Variants in POU2F1 observed in about 807,000 individuals in gnomAD.
POU2F1 encodes the protein POU class 2 homeobox 1.
In POU2F1, 16 loss-of-function variants were observed where a neutral mutation model predicts 84.9. The ratio of observed to expected loss-of-function variants is 0.19; its 90% CI spans 0.13 to 0.29. The LOEUF (loss-of-function observed/expected upper bound fraction) is 0.29. Among genes scored for constraint, POU2F1 ranks in the 10% least tolerant of loss-of-function variants. POU2F1 has a pLI of 1.00. For synonymous variants in POU2F1, 368 were observed against 368.3 expected (o/e 1.00, Z 0.01); for missense variants, 738 against 942.6 (o/e 0.78, Z 2.84).
At chr1:167,336,030 TAA>T (rs557804154) in intron 2 of POU2F1, among the ~76,000 whole-genome samples, 54 of 152,268 alleles carry the variant, frequency 3.5e-4, no homozygotes, top group African/African-American at 1.3e-3. Context: ...TGAAAAAAAT[TAA>T]AAGATATGTA....
chr1:167,323,719 G>C, intron 1 of POU2F1, among the ~76,000 whole-genome samples: 1 of 152,084 alleles, frequency 6.6e-6, no homozygotes, highest in East Asian at 1.9e-4. Context: ...TACAGATGGA[G>C]TTTCTCTCTG....
intron 1 of POU2F1, among the ~76,000 whole-genome samples, chr1:167,227,348 G>A (rs1553194837): frequency 1.3e-5 from 2 of 152,058 alleles, no homozygotes; most frequent in Non-Finnish European, 2.9e-5. Flanking sequence ...ATTATGGCAG[G>A]TTTCCCCCCC....
At chr1:167,224,791 T>C (rs1553083) in intron 1 of POU2F1, among the ~76,000 whole-genome samples, 148,151 of 150,760 alleles carry the variant, frequency 0.98, 72,844 homozygotes, top group East Asian at 1. Context: ...AGTAGTTTCC[T>C]GCGTATTTCT....
intron 1 of POU2F1, among the ~76,000 whole-genome samples, chr1:167,293,595 A>C (rs1370704549): frequency 6.6e-6 from 1 of 152,240 alleles, no homozygotes; most frequent in Admixed American, 6.5e-5. Flanking sequence ...TCATGGAATT[A>C]GAAAAATATC....
intron 1 of POU2F1, among the ~76,000 whole-genome samples, chr1:167,322,067 G>A (rs570329388): frequency 1.2e-3 from 178 of 152,280 alleles, no homozygotes; most frequent in Non-Finnish European, 1.5e-3. Flanking sequence ...CCACGTGGAC[G>A]GCCAGTGCTG....
chr1:167,300,393 T>A (rs1396889224), intron 1 of POU2F1, among the ~76,000 whole-genome samples: 9 of 152,204 alleles, frequency 5.9e-5, no homozygotes, highest in African/African-American at 2.2e-4. Context: ...GTAGCAAACC[T>A]ACATATGTAC....
chr1:167,378,845 C>A (rs571720591), intron 7 of POU2F1, among the ~76,000 whole-genome samples: 2 of 151,620 alleles, frequency 1.3e-5, no homozygotes, highest in Non-Finnish European at 2.9e-5. Context: ...CTCTGCCTCG[C>A]GAGTTCAAGC....
intron 14 of POU2F1, 66 bp from the exon 15 acceptor site, chr1:167,412,959 TG>T (rs1284915792): frequency 9.9e-6 from 13 of 1,315,228 alleles, no homozygotes; most frequent in Non-Finnish European, 1.4e-5. Context: ...AAGTTCCTTT[TG>T]GTGTGTTGTC....
At chr1:167,327,594 A>G (rs918584444) in intron 1 of POU2F1, among the ~76,000 whole-genome samples, 3 of 152,214 alleles carry the variant, frequency 2.0e-5, no homozygotes, top group Non-Finnish European at 4.4e-5. Context: ...GACACCTTTC[A>G]GAACTCTCCT....
chr1:167,329,427 A>G (rs932240259), intron 1 of POU2F1: 9 of 1,204,402 alleles, frequency 7.5e-6, no homozygotes, highest in Non-Finnish European at 9.3e-6. Flanking sequence ...GGAGAGTTGG[A>G]CTGAGCAGGG....
chr1:167,404,068 A>T (rs1649389065), intron 13 of POU2F1, among the ~76,000 whole-genome samples: 1 of 152,062 alleles, frequency 6.6e-6, no homozygotes, highest in Non-Finnish European at 1.5e-5. Context: ...TACTGTTCTA[A>T]AATTTCACTA....
At chr1:167,392,636 C>T (rs1648508801) in intron 9 of POU2F1, among the ~76,000 whole-genome samples, 1 of 152,192 alleles carries the variant, frequency 6.6e-6, no homozygotes, top group South Asian at 2.1e-4. Context: ...TCCCTCCGCA[C>T]ATCTCTCCAG....
chr1:167,284,084 A>G (rs1041039699), intron 1 of POU2F1, among the ~76,000 whole-genome samples: 3 of 152,218 alleles, frequency 2.0e-5, no homozygotes, highest in Admixed American at 2.0e-4. Flanking sequence ...TAACTGTCCT[A>G]TTTTGTATTT....
intron 1 of POU2F1, among the ~76,000 whole-genome samples, chr1:167,254,358 C>T (rs190596337): frequency 6.6e-6 from 1 of 152,278 alleles, no homozygotes; most frequent in African/African-American, 2.4e-5. Flanking sequence ...CTGAGGCTAG[C>T]CACTTGCCTC....
chr1:167,288,286 C>T (rs192873320), intron 1 of POU2F1, among the ~76,000 whole-genome samples: 137 of 152,230 alleles, frequency 9.0e-4, no homozygotes, highest in African/African-American at 3.1e-3. Flanking sequence ...CCTGAAATAA[C>T]GTGTTTTCTT....
rs1650236258 is a variant in POU2F1, at chr1:167,415,428, GT to G, written c.1991-71del. 19 of 1,475,622 alleles carry G rather than the reference GT, an allele frequency of 1.3e-5. No homozygotes were observed. In the South Asian group the frequency reaches 2.2e-4, roughly 17 times the overall value. 91.4% of individuals were successfully genotyped at this position (1,475,622 alleles called of 1,614,324 possible). The stretch of plus-strand genomic sequence containing the variant: ...TGTAGGAAAATGATAGACTTTTGAT[GT>G]GTTATTTGGCTTCTCCAGGATGATG... On this transcript the variant is annotated intron_variant, in intron 15 of 15. Coordinates refer to ENST00000367866, the MANE Select transcript of POU2F1 (RefSeq NM_002697.4).
At chr1:167,309,482 C>G (rs1655311689) in intron 1 of POU2F1, among the ~76,000 whole-genome samples, 1 of 152,256 alleles carries the variant, frequency 6.6e-6, no homozygotes, top group South Asian at 2.1e-4. Context: ...TATAACCAGT[C>G]TCCTCATTGC....
rs1219242791 is a variant in POU2F1, at chr1:167,367,719, ATATG to A, written c.228+2163_228+2166del. Among the ~76,000 whole-genome samples, 9 of 152,276 alleles carry A rather than the reference ATATG, an allele frequency of 5.9e-5. No homozygotes were observed. In the East Asian group the frequency reaches 1.2e-3, roughly 20 times the overall value. ...CATATTTGCTTTATACCATATGTGT[ATATG>A]TATGTATGTACACATACAAAATACA... On this transcript the variant is annotated intron_variant, in intron 3 of 15. Transcript: ENST00000367866.
chr1:167,318,972 AG>A (rs1225124555), intron 1 of POU2F1: 3 of 153,494 alleles, frequency 2.0e-5, no homozygotes, highest in African/African-American at 7.2e-5. Context: ...AGCTATCATT[AG>A]ATTGATTACT....
Sources: gnomAD v4.1 joint callset for allele counts (sites outside exome capture counted in the v4.1 genomes callset) on GRCh38, gnomAD v4.1.1 for gene constraint, MANE v1.5 for transcripts, NCBI Gene and HGNC (gene_info 2026-07-23, HGNC 2026-07-21) for gene names.